Variants in SPOCK3 observed in about 807,000 individuals in gnomAD.
SPOCK3 encodes the protein SPARC (osteonectin), cwcv and kazal like domains proteoglycan 3.
A neutral mutation model predicts 56.6 loss-of-function variants in SPOCK3; 30 were observed. The ratio of observed to expected loss-of-function variants is 0.53; its 90% CI spans 0.40 to 0.72. SPOCK3 has a LOEUF of 0.72. Ranked by LOEUF, SPOCK3 falls within the 30% of genes least tolerant of loss-of-function variation. The pLI is 0.00. For missense variants in SPOCK3, 527 were observed against 530.0 expected (o/e 0.99, Z 0.06); for synonymous variants, 196 against 183.3 (o/e 1.07, Z -0.56).
At chr4:167,021,456 C>A (rs1354819611) in intron 3 of SPOCK3, among the ~76,000 whole-genome samples, 4 of 152,032 alleles carry the variant, frequency 2.6e-5, no homozygotes, top group Admixed American at 2.0e-4. Context: ...TGATGTGTGA[C>A]TGGCTCTTAT....
At position 166,737,549 on chromosome 4, in the gene SPOCK3, A is replaced by G. The variant is rs1190694599; in HGVS notation, c.1050T>C (p.His350=). The change falls in exon 10 of 11, where the codon CAT becomes CAC. Residue 350 remains histidine, a synonymous_variant. Coordinates refer to ENST00000357545, the MANE Select transcript of SPOCK3 (RefSeq NM_001040159.2). ...EDGYYKPTQC[H]GSVGQCWCVD... ...CACACCAGCACTGTCCAACACTGCC[A>G]TGACATTGTGTTGGCTTGTAGTAAC... The G allele has an allele frequency of 6.2e-7, 1 of 1,613,186 alleles. No individual in the cohort carries two copies. The highest frequency in any genetic ancestry group is 1.7e-5 in the Admixed American group (1 of 59,916).
chr4:166,739,137 T>C (rs1359365871), intron 9 of SPOCK3, among the ~76,000 whole-genome samples: 1 of 152,178 alleles, frequency 6.6e-6, no homozygotes, highest in African/African-American at 2.4e-5. Context: ...ACCTGTTGTT[T>C]CCTGACTTTT....
chr4:166,740,865 GCATCTTGT>G (rs1734773568), intron 9 of SPOCK3, among the ~76,000 whole-genome samples: 1 of 152,024 alleles, frequency 6.6e-6, no homozygotes, highest in Non-Finnish European at 1.5e-5. Flanking sequence ...GGTATCTCCT[GCATCTTGT>G]AACAGGGTCA....
chr4:166,871,075 C>A (rs967199571), intron 6 of SPOCK3, among the ~76,000 whole-genome samples: 1 of 152,100 alleles, frequency 6.6e-6, no homozygotes, highest in Non-Finnish European at 1.5e-5. Context: ...GAACCTCTTT[C>A]TTGTATAAAT....
intron 9 of SPOCK3, among the ~76,000 whole-genome samples, chr4:166,741,375 A>G (rs1277732061): frequency 1.3e-5 from 2 of 152,202 alleles, no homozygotes; most frequent in African/African-American, 4.8e-5. Context: ...CACTGTTTTT[A>G]TAAATTTAAA....
chr4:166,928,248 A>C (rs1739340052), intron 4 of SPOCK3, among the ~76,000 whole-genome samples: 1 of 152,236 alleles, frequency 6.6e-6, no homozygotes, highest in South Asian at 2.1e-4. Context: ...AAAGTTGAAA[A>C]GGTATGTCCA....
chr4:166,859,637 A>C (rs1731036727), intron 6 of SPOCK3, among the ~76,000 whole-genome samples: 1 of 152,132 alleles, frequency 6.6e-6, no homozygotes, highest in Admixed American at 6.6e-5. Context: ...GTGTCTTATA[A>C]TCGACTGGAA....
At chr4:166,954,907 C>G (rs1363709322) in intron 4 of SPOCK3, among the ~76,000 whole-genome samples, 1 of 152,126 alleles carries the variant, frequency 6.6e-6, no homozygotes, top group Non-Finnish European at 1.5e-5. Flanking sequence ...TTACGTCATT[C>G]AACATGTGGT....
At chr4:167,223,406 G>T (rs68085176) in intron 2 of SPOCK3, among the ~76,000 whole-genome samples, 16,186 of 147,828 alleles carry the variant, frequency 0.11, 1,059 homozygotes, top group African/African-American at 0.17. Context: ...ATTATATATA[G>T]AGAGAGATAT....
At chr4:166,919,076 A>G (rs1421007843) in intron 4 of SPOCK3, among the ~76,000 whole-genome samples, 1 of 152,198 alleles carries the variant, frequency 6.6e-6, no homozygotes, top group Non-Finnish European at 1.5e-5. Context: ...GAACCATCAG[A>G]CAAATAAACT....
chr4:167,153,917 C>CTAGGGG (rs1764607934), intron 2 of SPOCK3, among the ~76,000 whole-genome samples: 1 of 68,504 alleles, frequency 1.5e-5, no homozygotes, highest in Non-Finnish European at 3.2e-5. Context: ...AAAAACTAGG[C>CTAGGGG]TTTAATCACT....
At chr4:167,079,156 GAAAAC>G (rs1580224639) in intron 2 of SPOCK3, among the ~76,000 whole-genome samples, 1 of 151,346 alleles carries the variant, frequency 6.6e-6, no homozygotes, top group African/African-American at 2.4e-5. Context: ...TCAAATATAA[GAAAAC>G]AAAACATTGA....
intron 6 of SPOCK3, among the ~76,000 whole-genome samples, chr4:166,866,800 G>A (rs1378949205): frequency 1.3e-5 from 2 of 151,818 alleles, no homozygotes; most frequent in Non-Finnish European, 2.9e-5. Flanking sequence ...AATATAAATA[G>A]GTTTCTCTAT....
intron 2 of SPOCK3, among the ~76,000 whole-genome samples, chr4:167,210,790 G>A (rs1201920402): frequency 4.6e-5 from 7 of 152,094 alleles, no homozygotes; most frequent in East Asian, 3.9e-4. Context: ...TGACTAGCTC[G>A]AGAGCAAAAT....
intron 2 of SPOCK3, among the ~76,000 whole-genome samples, chr4:167,143,067 G>A (rs1289822561): frequency 6.6e-6 from 1 of 151,982 alleles, no homozygotes; most frequent in African/African-American, 2.4e-5. Context: ...TGCATCAAAG[G>A]AGGGGAAATA....
At chr4:167,012,363 T>C (rs1750168055) in intron 3 of SPOCK3, among the ~76,000 whole-genome samples, 1 of 151,996 alleles carries the variant, frequency 6.6e-6, no homozygotes, top group Admixed American at 6.6e-5. Context: ...TTATATTTTA[T>C]CATCAAAATT....
intron 3 of SPOCK3, among the ~76,000 whole-genome samples, chr4:167,013,742 A>AGG (rs1750325173): frequency 6.6e-6 from 1 of 152,000 alleles, no homozygotes; most frequent in Non-Finnish European, 1.5e-5. Flanking sequence ...AGCCCCTACT[A>AGG]ATATGGCGAT....
intron 9 of SPOCK3, among the ~76,000 whole-genome samples, chr4:166,739,252 A>C (rs1164254544): frequency 6.6e-6 from 1 of 151,682 alleles, no homozygotes; most frequent in Non-Finnish European, 1.5e-5. Flanking sequence ...TTATTTATTT[A>C]TTTTTTGAGA....
chr4:167,137,692 G>C (rs1047176377), intron 2 of SPOCK3, among the ~76,000 whole-genome samples: 5 of 151,676 alleles, frequency 3.3e-5, no homozygotes, highest in Admixed American at 6.6e-5. Context: ...CCCATTGTAG[G>C]TAATAGGCAA....
Sources: gnomAD v4.1 joint callset for allele counts (sites outside exome capture counted in the v4.1 genomes callset) on GRCh38, gnomAD v4.1.1 for gene constraint, MANE v1.5 for transcripts, NCBI Gene and HGNC (gene_info 2026-07-23, HGNC 2026-07-21) for gene names.